The following COL24A1 variants were observed in gnomAD, a reference collection of about 807,000 sequenced individuals.
COL24A1 encodes collagen alpha-1(XXIV) chain.
In COL24A1, 224 loss-of-function variants were observed where a neutral mutation model predicts 253.9. The observed-to-expected ratio is 0.88, with a 90% CI of 0.79 to 0.99. COL24A1 has a LOEUF of 0.99. Among genes scored for constraint, COL24A1 ranks in the 50% least tolerant of loss-of-function variants. COL24A1 has a pLI of 0.00. For missense variants in COL24A1, 2,131 were observed against 2,068.5 expected (o/e 1.03, Z -0.59); for synonymous variants, 685 against 673.7 (o/e 1.02, Z -0.26).
intron 55 of COL24A1, among the ~76,000 whole-genome samples, chr1:85,756,407 A>G (rs1666264983): frequency 6.6e-6 from 1 of 151,950 alleles, no homozygotes; most frequent in South Asian, 2.1e-4. Flanking sequence ...CAACACAGCA[A>G]GAGTCTGTCT....
At chr1:85,872,654 G>A (rs1031302167) in intron 35 of COL24A1, among the ~76,000 whole-genome samples, 2 of 152,096 alleles carry the variant, frequency 1.3e-5, no homozygotes, top group African/African-American at 4.8e-5. Context: ...GCTGAAAACG[G>A]ATCCCTTTCT....
At chr1:86,079,251 T>C (rs1273029810) in intron 7 of COL24A1, among the ~76,000 whole-genome samples, 2 of 152,136 alleles carry the variant, frequency 1.3e-5, no homozygotes, top group Non-Finnish European at 2.9e-5. Context: ...GATATCCATA[T>C]GTAGAATAAT....
chr1:86,021,299 T>G (rs1342711807), intron 18 of COL24A1, among the ~76,000 whole-genome samples: 1 of 152,162 alleles, frequency 6.6e-6, no homozygotes, highest in Non-Finnish European at 1.5e-5. Flanking sequence ...TATATCTAAT[T>G]TTTTCTATCT....
intron 24 of COL24A1, among the ~76,000 whole-genome samples, chr1:85,948,544 A>G (rs1689569381): frequency 2.7e-5 from 4 of 150,234 alleles, no homozygotes; most frequent in South Asian, 4.2e-4. Context: ...AAAAAAAAAA[A>G]AAAGAAACCA....
At chr1:85,997,029 A>G (rs6703296) in intron 19 of COL24A1, among the ~76,000 whole-genome samples, 41,685 of 90,896 alleles carry the variant, frequency 0.46, 8,039 homozygotes, top group East Asian at 0.58. Flanking sequence ...GTGTGTGTGT[A>G]TATATATATA....
intron 20 of COL24A1, among the ~76,000 whole-genome samples, chr1:85,986,809 T>C (rs1001644263): frequency 2.0e-5 from 3 of 151,862 alleles, no homozygotes; most frequent in Non-Finnish European, 3.0e-5. Context: ...TCTACTCCCA[T>C]TGATACCTCC....
At chr1:85,900,535 A>T (rs1684178571) in intron 28 of COL24A1, among the ~76,000 whole-genome samples, 1 of 152,140 alleles carries the variant, frequency 6.6e-6, no homozygotes, top group Non-Finnish European at 1.5e-5. Flanking sequence ...GCTACTTGGG[A>T]GGTTGAGGCA....
chr1:86,110,769 C>T lies in COL24A1; in HGVS notation c.1599+1798G>A, dbSNP rs1010179837. Among the ~76,000 whole-genome samples, 8 of 152,268 alleles carry T rather than the reference C, an allele frequency of 5.3e-5. No individual in the cohort carries two copies. The East Asian group carries it at 7.8e-4, about 15-fold the overall frequency. On this transcript the variant is annotated intron_variant, in intron 5 of 59. Coordinates refer to ENST00000370571, the MANE Select transcript of COL24A1 (RefSeq NM_152890.7). The stretch of plus-strand genomic sequence containing the variant: ...GCTCGAATTCTCGCTGGGCCTCAAC[C>T]GCCTGCCCGCAGGGCAGGGCTCCGG...
At chr1:85,994,994 A>G (rs933061895) in intron 19 of COL24A1, among the ~76,000 whole-genome samples, 3 of 152,154 alleles carry the variant, frequency 2.0e-5, no homozygotes, top group Non-Finnish European at 2.9e-5. Flanking sequence ...CTGTAATTCT[A>G]TGTATTTGAG....
In COL24A1 at chr1:85,734,909, T is replaced by C. The variant is rs376814437; in HGVS notation, c.4838A>G (p.Glu1613Gly). 14 of 1,614,192 alleles carry C rather than the reference T, an allele frequency of 8.7e-6. No homozygotes were observed. Among genetic ancestry groups the C allele is most frequent in the Non-Finnish European group, 1.2e-5 (14 of 1,180,024 alleles). Residue 1613 changes from glutamate to glycine, a missense_variant, in exon 59 of 60, where the codon GAA (glutamate) becomes GGA (glycine). Physicochemically the swap from Glu to Gly is moderately conservative, Grantham distance 98. Transcript: ENST00000370571. ...QMNFLHLLSS[E>G]ATHIITIHCL... ...GTGAATGGTGATGATATGGGTGGCT[T>C]CCGAACTCAGTAAATGAAGGAAGTT...
intron 24 of COL24A1, among the ~76,000 whole-genome samples, chr1:85,922,490 C>A (rs926655792): frequency 2.6e-5 from 4 of 152,166 alleles, no homozygotes; most frequent in African/African-American, 9.7e-5. Flanking sequence ...CTCTATAAGC[C>A]AGAAGAGAGT....
At position 85,791,721 on chromosome 1, in the gene COL24A1, A is replaced by G. The variant is rs983738068; in HGVS notation, c.3952-5260T>C. Among the ~76,000 whole-genome samples the G allele has an allele frequency of 3.9e-5, 6 of 152,210 alleles. No individual in the cohort carries two copies. In the South Asian group the frequency reaches 6.2e-4, roughly 16 times the overall value. On this transcript the variant is annotated intron_variant, in intron 47 of 59. Coordinates refer to ENST00000370571, the MANE Select transcript of COL24A1 (RefSeq NM_152890.7). ...TGAATTGCAGCATTTGGCAGTACCT[A>G]TCTGTGTGAAAAAAATTTTCAAAGA...
intron 8 of COL24A1, among the ~76,000 whole-genome samples, chr1:86,062,399 T>G (rs1220311631): frequency 9.5e-6 from 1 of 105,612 alleles, no homozygotes; most frequent in Non-Finnish European, 2.0e-5. Flanking sequence ...ATTTTGCCTG[T>G]TTTTTTTTTC....
At chr1:85,885,348 C>T (rs746453610) in intron 32 of COL24A1, among the ~76,000 whole-genome samples, 1 of 150,182 alleles carries the variant, frequency 6.7e-6, no homozygotes, top group Non-Finnish European at 1.5e-5. Flanking sequence ...TTACAGGCAC[C>T]CACCACCATG....
At chr1:86,101,791 A>G (rs757037750) in intron 5 of COL24A1, among the ~76,000 whole-genome samples, 22 of 152,144 alleles carry the variant, frequency 1.4e-4, no homozygotes, top group Non-Finnish European at 2.8e-4. Flanking sequence ...GTTTGCCAGT[A>G]TTTTGTTGAG....
chr1:85,818,977 C>T (rs1410243923), intron 45 of COL24A1, among the ~76,000 whole-genome samples: 1 of 152,070 alleles, frequency 6.6e-6, no homozygotes, highest in African/African-American at 2.4e-5. Context: ...TTTTGACAAC[C>T]AGCTTAAACA....
chr1:86,121,308 A>C (rs1406357207), intron 3 of COL24A1, among the ~76,000 whole-genome samples: 1 of 152,114 alleles, frequency 6.6e-6, no homozygotes, highest in African/African-American at 2.4e-5. Context: ...AATTCTACTC[A>C]GTACCATTGT....
intron 5 of COL24A1, among the ~76,000 whole-genome samples, chr1:86,103,499 T>C (rs1571926643): frequency 2.0e-5 from 3 of 152,344 alleles, no homozygotes; most frequent in East Asian, 3.9e-4. Context: ...AAGTGTGTTT[T>C]TGTAGTGGCT....
At chr1:86,050,063 C>T in intron 11 of COL24A1, 61 bp downstream of exon 11, 1 of 1,438,290 alleles carries the variant, frequency 7.0e-7, no homozygotes. Context: ...TTTATGACCC[C>T]CATTGTACAT....
Sources: gnomAD v4.1 joint callset for allele counts (sites outside exome capture counted in the v4.1 genomes callset) on GRCh38, gnomAD v4.1.1 for gene constraint, MANE v1.5 for transcripts, NCBI Gene and HGNC (gene_info 2026-07-23, HGNC 2026-07-21) for gene names.